Variants in PABPC4L observed in about 807,000 individuals in gnomAD.
PABPC4L encodes the protein poly(A) binding protein cytoplasmic 4 like, also known as polyadenylate-binding protein 4-like.
For missense variants in PABPC4L, 452 were observed against 451.4 expected, an observed-to-expected ratio of 1.00 and a Z score of -0.01; for synonymous variants, 169 against 164.1, an observed-to-expected ratio of 1.03 and a Z score of -0.23.
At chr4:133,987,928 A>T in the PABPC4L span, among the ~76,000 whole-genome samples, 1 of 152,156 alleles carries the variant, frequency 6.6e-6, no homozygotes, top group Admixed American at 6.5e-5. Context: ...AGAAACTTAC[A>T]ATCATGGAGG....
chr4:134,063,547 C>A, the PABPC4L span, among the ~76,000 whole-genome samples: 4 of 151,694 alleles, frequency 2.6e-5, no homozygotes, highest in South Asian at 8.4e-4. Flanking sequence ...AAATATATAC[C>A]CACAATAATA....
chr4:134,078,967 CTTT>C, the PABPC4L span, among the ~76,000 whole-genome samples: 1,819 of 63,862 alleles, frequency 0.028, 56 homozygotes, highest in African/African-American at 0.11. Context: ...CGTGCCCGGG[CTTT>C]TTTTTTTTTT....
At chr4:134,162,102 A>T in the PABPC4L span, among the ~76,000 whole-genome samples, 12 of 152,242 alleles carry the variant, frequency 7.9e-5, no homozygotes, top group African/African-American at 2.9e-4. Flanking sequence ...AATGCAAGGA[A>T]TTAAAAAATA....
the PABPC4L span, among the ~76,000 whole-genome samples, chr4:133,989,993 C>T: frequency 6.6e-6 from 1 of 151,986 alleles, no homozygotes; most frequent in African/African-American, 2.4e-5. Context: ...ATAACTCACT[C>T]ACTATTATGA....
chr4:133,966,484 C>T, the PABPC4L span, among the ~76,000 whole-genome samples: 1 of 152,164 alleles, frequency 6.6e-6, no homozygotes, highest in African/African-American at 2.4e-5. Flanking sequence ...GAAGGCATTA[C>T]ACGTAAAAGA....
At chr4:134,163,963 G>A in the PABPC4L span, among the ~76,000 whole-genome samples, 2 of 152,026 alleles carry the variant, frequency 1.3e-5, no homozygotes, top group Admixed American at 6.6e-5. Context: ...TACCACTTCT[G>A]TTAAAAATAG....
the PABPC4L span, among the ~76,000 whole-genome samples, chr4:134,114,746 T>C: frequency 6.6e-6 from 1 of 151,860 alleles, no homozygotes; most frequent in Admixed American, 6.6e-5. Context: ...GCAAACTAGT[T>C]AATATGTGTC....
chr4:133,984,128 G>C, the PABPC4L span, among the ~76,000 whole-genome samples: 1 of 151,892 alleles, frequency 6.6e-6, no homozygotes, highest in African/African-American at 2.4e-5. Flanking sequence ...ACAAACACAT[G>C]TCATCTCTCC....
At chr4:134,102,599 G>T in the PABPC4L span, among the ~76,000 whole-genome samples, 3 of 151,498 alleles carry the variant, frequency 2.0e-5, no homozygotes, top group Admixed American at 6.6e-5. Flanking sequence ...AAGAGGTTTG[G>T]TTCAACAGCC....
chr4:134,159,315 G>T, the PABPC4L span, among the ~76,000 whole-genome samples: 1 of 152,074 alleles, frequency 6.6e-6, no homozygotes, highest in Non-Finnish European at 1.5e-5. Context: ...AACTATCCAT[G>T]CAAGAAATCG....
At chr4:134,022,922 A>G in the PABPC4L span, among the ~76,000 whole-genome samples, 1 of 151,984 alleles carries the variant, frequency 6.6e-6, no homozygotes, top group African/African-American at 2.4e-5. Flanking sequence ...TAAAGATTTG[A>G]TATTAATTAA....
chr4:134,073,384 G>A, the PABPC4L span, among the ~76,000 whole-genome samples: 6 of 152,204 alleles, frequency 3.9e-5, 1 homozygote, highest in South Asian at 6.2e-4. Flanking sequence ...TCCAGGTCAC[G>A]CTGATGGAAG....
At chr4:134,085,758 G>T in the PABPC4L span, among the ~76,000 whole-genome samples, 1 of 151,946 alleles carries the variant, frequency 6.6e-6, no homozygotes, top group Non-Finnish European at 1.5e-5. Context: ...TATTTTCATT[G>T]CTGTATACCA....
chr4:134,083,982 T>C, the PABPC4L span, among the ~76,000 whole-genome samples: 1 of 152,222 alleles, frequency 6.6e-6, no homozygotes, highest in South Asian at 2.1e-4. Flanking sequence ...CTTATTTTTA[T>C]TTAAATGGCT....
At chr4:134,046,152 C>T in the PABPC4L span, among the ~76,000 whole-genome samples, 1 of 152,000 alleles carries the variant, frequency 6.6e-6, no homozygotes, top group Non-Finnish European at 1.5e-5. Context: ...TCTCTGAGTT[C>T]CCTCAGAATT....
the PABPC4L span, among the ~76,000 whole-genome samples, chr4:134,043,593 C>G: frequency 1.3e-5 from 2 of 151,964 alleles, no homozygotes; most frequent in African/African-American, 4.8e-5. Flanking sequence ...GAAGCAGGTA[C>G]CAAAGTTACT....
At chr4:133,998,083 A>G in the PABPC4L span, among the ~76,000 whole-genome samples, 1 of 151,870 alleles carries the variant, frequency 6.6e-6, no homozygotes, top group African/African-American at 2.4e-5. Context: ...TTACTTATAT[A>G]CTTCTGATGT....
the PABPC4L span, among the ~76,000 whole-genome samples, chr4:134,066,863 C>A: frequency 6.6e-6 from 1 of 152,082 alleles, no homozygotes; most frequent in East Asian, 1.9e-4. Context: ...ATATGTTAAA[C>A]CAAACTTGCA....
the PABPC4L span, among the ~76,000 whole-genome samples, chr4:134,095,396 G>A: frequency 1.3e-5 from 2 of 151,822 alleles, no homozygotes; most frequent in African/African-American, 2.4e-5. Context: ...ACAAATGCAT[G>A]TTTATATTTG....
Sources: allele counts gnomAD v4.1 joint callset (sites outside exome capture counted in the v4.1 genomes callset), GRCh38; gene constraint gnomAD v4.1.1; transcripts MANE v1.5; gene names NCBI Gene and HGNC (gene_info 2026-07-23, HGNC 2026-07-21).